NEURL1B: variants seen among roughly 807,000 people sequenced by gnomAD.
The protein encoded by NEURL1B is neuralized E3 ubiquitin protein ligase 1B.
In NEURL1B, 13 loss-of-function variants were observed where a neutral mutation model predicts 37.4. The observed-to-expected ratio is 0.35, with a 90% confidence interval of 0.23 to 0.55. NEURL1B has a LOEUF of 0.55. Ranked by LOEUF, NEURL1B falls within the 20% of genes least tolerant of loss-of-function variation. The pLI, the probability that NEURL1B is intolerant of heterozygous loss-of-function variation, is 0.89. For missense variants in NEURL1B, 790 were observed against 879.2 expected (o/e 0.90, Z 1.28); for synonymous variants, 432 against 426.6 (o/e 1.01, Z -0.16).
intron 2 of NEURL1B, among the ~76,000 whole-genome samples, chr5:172,681,480 T>C (rs1758351574): frequency 6.6e-6 from 1 of 152,222 alleles, no homozygotes; most frequent in Non-Finnish European, 1.5e-5. Flanking sequence ...GCACCCTCGC[T>C]AAGGCAAAGC....
intron 1 of NEURL1B, among the ~76,000 whole-genome samples, chr5:172,663,700 G>A (rs1480666052): frequency 2.0e-5 from 3 of 151,666 alleles, no homozygotes; most frequent in Admixed American, 6.6e-5. Flanking sequence ...TGGGGGGCAC[G>A]GCTCACTGGC....
At position 172,687,072 on chromosome 5, in the gene NEURL1B, C is replaced by T; in HGVS notation, c.*147C>T. ...GGTGTGACAGTCGTGGAGCGAGGCCCACAGGGCCTCAGCCCAGGCAGGGGT... is the reference window on the plus strand; with the variant it reads ...GGTGTGACAGTCGTGGAGCGAGGCCTACAGGGCCTCAGCCCAGGCAGGGGT... On this transcript the variant is annotated 3_prime_UTR_variant, in exon 5 of 5. Transcript: ENST00000369800. 1 of 958,750 alleles carries T rather than the reference C, an allele frequency of 1.0e-6. No individual in the cohort carries two copies. Among genetic ancestry groups the T allele is most frequent in the Non-Finnish European group, 1.5e-6 (1 of 665,650 alleles). 59.4% of individuals were successfully genotyped at this position (958,750 alleles called of 1,614,324 possible).
intron 2 of NEURL1B, among the ~76,000 whole-genome samples, chr5:172,680,678 T>G (rs1184621293): frequency 6.6e-6 from 1 of 152,216 alleles, no homozygotes; most frequent in Non-Finnish European, 1.5e-5. Flanking sequence ...TACCCAGAGA[T>G]AACCACTCAC....
chr5:172,656,721 G>A (rs1260296471), intron 1 of NEURL1B: 1 of 1,090,138 alleles, frequency 9.2e-7, no homozygotes. Context: ...CATGGCGCCT[G>A]CCGCCGCTTC....
intron 1 of NEURL1B, among the ~76,000 whole-genome samples, chr5:172,643,506 T>G (rs2113248680): frequency 6.6e-6 from 1 of 152,374 alleles, no homozygotes; most frequent in East Asian, 1.9e-4. Context: ...GCTATCTGGA[T>G]GCCTGAAGTC....
At chr5:172,685,098 C>A (rs1366587080) in intron 3 of NEURL1B, among the ~76,000 whole-genome samples, 1 of 152,208 alleles carries the variant, frequency 6.6e-6, no homozygotes, top group Non-Finnish European at 1.5e-5. Context: ...TTTGAAGATG[C>A]TGGACAAATC....
At chr5:172,669,731 G>T in intron 1 of NEURL1B, 54 bp from the exon 2 acceptor site, 2 of 1,174,142 alleles carry the variant, frequency 1.7e-6, no homozygotes, top group East Asian at 3.6e-5. Flanking sequence ...AGACCAATCG[G>T]GGCCCGCAGG....
intron 1 of NEURL1B, among the ~76,000 whole-genome samples, chr5:172,667,275 T>TTAAAAAAAAAAAAAAAAA (rs761050020): frequency 2.8e-5 from 2 of 72,290 alleles, no homozygotes; most frequent in Admixed American, 1.6e-4. Context: ...CTGTCTCTAC[T>TTAAAAAAAAAAAAAAAAA]AAAAAAAAAA....
chr5:172,641,266 G>T lies in NEURL1B; in HGVS notation c.-141G>T, dbSNP rs1757452528. ...CGCCGCCGCCTCCCTCCCGGCTCCC[G>T]CCCCAGCTGCCGCCCGCCGGCTCGC... On this transcript the variant is annotated 5_prime_UTR_variant, in exon 1 of 5. Transcript: ENST00000369800. The surrounding 1 kb of genome is among the most constrained non-coding windows in gnomAD (Gnocchi z 6.4). The T allele has an allele frequency of 7.1e-6, 5 of 701,202 alleles. No individual in the cohort carries two copies. Among genetic ancestry groups the T allele is most frequent in the Non-Finnish European group, 9.6e-6 (5 of 522,626 alleles). 43.4% of individuals were successfully genotyped at this position (701,202 alleles called of 1,614,324 possible). A position where few individuals can be genotyped will look rare whatever the true frequency, so the allele number is the denominator to read the frequency against.
rs527711789 is a variant in NEURL1B at position 172,645,249 on chromosome 5, G to T, written c.31+3812G>T. ...GGCTCAGAGAGGTCAAGGACACAGA[G>T]TAAGGGGAGAAGCAGCCTCCCCTAA... On this transcript the variant is annotated intron_variant, in intron 1 of 4. Transcript: ENST00000369800. Among the ~76,000 whole-genome samples, 355 of 152,314 alleles carry T rather than the reference G, an allele frequency of 2.3e-3. 5 individuals are homozygous for T. The highest frequency in any genetic ancestry group is 8.1e-3 in the African/African-American group (338 of 41,558).
At chr5:172,672,234 G>A (rs1471985866) in intron 2 of NEURL1B, among the ~76,000 whole-genome samples, 1 of 152,186 alleles carries the variant, frequency 6.6e-6, no homozygotes. Flanking sequence ...AGCCTACTTG[G>A]GCGTTTTAAC....
At chr5:172,670,426 C>A in intron 2 of NEURL1B, 96 bp downstream of exon 2, 1 of 1,017,302 alleles carries the variant, frequency 9.8e-7, no homozygotes, top group Non-Finnish European at 1.3e-6. Context: ...TTATGGAGAG[C>A]TCCTTTTGCC....
chr5:172,664,552 T>C lies in NEURL1B; in HGVS notation c.32-5233T>C, dbSNP rs191889696. Among the ~76,000 whole-genome samples, 88 of 152,290 alleles carry C rather than the reference T, an allele frequency of 5.8e-4. 2 individuals carry two copies. Among genetic ancestry groups the C allele is most frequent in the South Asian group, 4.8e-3 (23 of 4,822 alleles). On this transcript the variant is annotated intron_variant, in intron 1 of 4. Transcript: ENST00000369800. ...TTCTATGATGTGGCTGTTGTGTTTG[T>C]TGCAGCAATTTCAATGATAAAGTTC... is the stretch of plus-strand genomic sequence containing the variant.
intron 2 of NEURL1B, among the ~76,000 whole-genome samples, chr5:172,682,420 C>A (rs1758373100): frequency 1.3e-5 from 2 of 152,132 alleles, no homozygotes; most frequent in Admixed American, 6.5e-5. Flanking sequence ...ACTAAAAATA[C>A]AAAAATTAAG....
At position 172,686,438 on chromosome 5, in the gene NEURL1B, G is replaced by A; in HGVS notation, c.1423+142G>A. ...CCTTCCCTCAGCTGTATGCTCAGCT[G>A]GAGGGAGGAGAAGTGTCTAGATAGG... is the stretch of plus-strand genomic sequence containing the variant. On this transcript the variant is annotated intron_variant, in intron 4 of 4. Transcript: ENST00000369800. The surrounding 1 kb of genome is among the most constrained non-coding windows in gnomAD (Gnocchi z 7.9). 1.0e-6 allele frequency: 1 copy of A among 984,424 alleles called. No homozygotes were observed. The highest frequency in any genetic ancestry group is 1.5e-6 in the Non-Finnish European group (1 of 670,658). 61.0% of individuals were successfully genotyped at this position (984,424 alleles called of 1,614,324 possible). A position where few individuals can be genotyped will look rare whatever the true frequency, so the allele number is the denominator to read the frequency against.
At position 172,686,046 on chromosome 5, in the gene NEURL1B, C is replaced by G. The variant is rs2113339140; in HGVS notation, c.1298-125C>G. ...TGCACTCTTCACTCCTCAGCAGAAC[C>G]CTGGGAGATACCTCTGGTCCTCTCG... On this transcript the variant is annotated intron_variant, in intron 3 of 4. Transcript: ENST00000369800. The surrounding 1 kb of genome is among the most constrained non-coding windows in gnomAD (Gnocchi z 7.9). 1 of 1,167,548 alleles carries G rather than the reference C, an allele frequency of 8.6e-7. No homozygotes were observed. Among genetic ancestry groups the G allele is most frequent in the South Asian group, 1.6e-5 (1 of 64,278 alleles). 72.3% of individuals were successfully genotyped at this position (1,167,548 alleles called of 1,614,324 possible). A position where few individuals can be genotyped will look rare whatever the true frequency, so the allele number is the denominator to read the frequency against.
Position 172,658,396 on chromosome 5 carries a change from C to A in NEURL1B, c.32-11389C>A, listed in dbSNP as rs1314885720. On this transcript the variant is annotated intron_variant, in intron 1 of 4. Coordinates refer to ENST00000369800, the MANE Select transcript of NEURL1B (RefSeq NM_001142651.3). Reference sequence around the variant, plus strand: ...TCCTCAGTCCACACTTACCTGCTCTCATGAGGCTTTCAGGCGTTTGGGGGA... The same window carrying A: ...TCCTCAGTCCACACTTACCTGCTCTAATGAGGCTTTCAGGCGTTTGGGGGA... Among the ~76,000 whole-genome samples the A allele has an allele frequency of 3.2e-4, 48 of 152,172 alleles. 1 individual carries two copies. The highest frequency in any genetic ancestry group is 3.1e-3 in the Admixed American group (48 of 15,286).
chr5:172,671,841 G>A (rs1261253415), intron 2 of NEURL1B, among the ~76,000 whole-genome samples: 1 of 152,216 alleles, frequency 6.6e-6, no homozygotes, highest in African/African-American at 2.4e-5. Context: ...TCCAAGCTAT[G>A]CCCCAACCCA....
At position 172,669,814 on chromosome 5, in the gene NEURL1B, A is replaced by G; in HGVS notation, c.61A>G (p.Thr21Ala). ...DPSPPARLLA[T>A]RPCCGPGPER... ...GAGCCCACCGGCGCGCCTCCTGGCC[A>G]CCCGGCCGTGCTGCGGCCCCGGCCC... is the stretch of plus-strand genomic sequence containing the variant. The change falls in exon 2 of 5, where the codon ACC becomes GCC. Residue 21 changes from threonine to alanine, a missense_variant. Thr to Ala is a moderately conservative substitution (Grantham distance 58). Coordinates refer to ENST00000369800, the MANE Select transcript of NEURL1B (RefSeq NM_001142651.3). The G allele has an allele frequency of 7.7e-7, 1 of 1,294,662 alleles. No homozygotes were observed. The allele number at this position is 1,294,662 out of a possible 1,614,324, so 80.2% of individuals were successfully genotyped here.
Sources: allele counts gnomAD v4.1 joint callset (sites outside exome capture counted in the v4.1 genomes callset), GRCh38; gene constraint gnomAD v4.1.1; non-coding constraint Gnocchi (gnomAD v3.1); transcripts MANE v1.5; gene names NCBI Gene and HGNC (gene_info 2026-07-23, HGNC 2026-07-21).